The following DPP10 variants were observed in gnomAD, a reference collection of about 807,000 sequenced individuals.
The protein encoded by DPP10 is dipeptidyl peptidase like 10.
Under a neutral mutation model 120.9 loss-of-function variants are expected in DPP10, and 33 were observed. The observed-to-expected ratio is 0.27, with a 90% CI of 0.21 to 0.37. The LOEUF is 0.37. DPP10 is among the 10% of genes least tolerant of loss of function. The pLI is 1.00. For missense variants in DPP10, 816 were observed against 942.8 expected (o/e 0.87, Z 1.76); for synonymous variants, 337 against 326.1 (o/e 1.03, Z -0.36).
chr2:115,519,519 G>A (rs1273910616), intron 4 of DPP10, among the ~76,000 whole-genome samples: 4 of 152,070 alleles, frequency 2.6e-5, no homozygotes, highest in East Asian at 1.9e-4. Context: ...TAATTAGTCA[G>A]CTAAGAAAAG....
chr2:114,950,448 C>A (rs1409727276), intron 1 of DPP10, among the ~76,000 whole-genome samples: 1 of 150,360 alleles, frequency 6.7e-6, no homozygotes, highest in Non-Finnish European at 1.5e-5. Flanking sequence ...GTTCCCGCCA[C>A]CACGCCCCGG....
chr2:115,697,732 TC>T (rs2091669369), intron 7 of DPP10, among the ~76,000 whole-genome samples: 1 of 152,096 alleles, frequency 6.6e-6, no homozygotes, highest in Non-Finnish European at 1.5e-5. Flanking sequence ...ACGCCTGTAA[TC>T]CCAGCACTTT....
At chr2:114,605,301 G>A (rs192440667) in intron 1 of DPP10, among the ~76,000 whole-genome samples, 493 of 152,150 alleles carry the variant, frequency 3.2e-3, no homozygotes, top group Non-Finnish European at 4.8e-3. Context: ...CCACCTATAC[G>A]TGGATTTTCT....
chr2:114,944,954 T>C (rs1250659161), intron 1 of DPP10, among the ~76,000 whole-genome samples: 1 of 152,148 alleles, frequency 6.6e-6, no homozygotes, highest in Non-Finnish European at 1.5e-5. Context: ...AACTGCTCTT[T>C]GAAAAAGGAG....
At chr2:115,605,012 A>G (rs1375416791) in intron 5 of DPP10, among the ~76,000 whole-genome samples, 2 of 152,174 alleles carry the variant, frequency 1.3e-5, no homozygotes, top group Non-Finnish European at 2.9e-5. Flanking sequence ...AGAGAGTTTG[A>G]TAGAGGGTTT....
chr2:114,873,497 G>C (rs922504480), intron 1 of DPP10, among the ~76,000 whole-genome samples: 1 of 152,082 alleles, frequency 6.6e-6, no homozygotes, highest in South Asian at 2.1e-4. Context: ...AACTATTCAA[G>C]TCTTTGAATA....
intron 1 of DPP10, among the ~76,000 whole-genome samples, chr2:115,238,760 A>T (rs2058122908): frequency 6.6e-6 from 1 of 152,220 alleles, no homozygotes; most frequent in Non-Finnish European, 1.5e-5. Context: ...TTAGAATATT[A>T]TATAAAGTTG....
chr2:114,702,043 G>T (rs868302940), intron 1 of DPP10, among the ~76,000 whole-genome samples: 192 of 152,262 alleles, frequency 1.3e-3, no homozygotes, highest in African/African-American at 4.5e-3. Flanking sequence ...TGAAGAAGCT[G>T]GTCCTCTGAG....
At chr2:114,826,719 T>A (rs13401269) in intron 1 of DPP10, among the ~76,000 whole-genome samples, 6,010 of 152,134 alleles carry the variant, frequency 0.04, 361 homozygotes, top group African/African-American at 0.14. Context: ...TTAGTAGAGA[T>A]GGGGTTCACC....
intron 1 of DPP10, among the ~76,000 whole-genome samples, chr2:114,971,560 A>T (rs1385691894): frequency 6.6e-6 from 1 of 152,196 alleles, no homozygotes; most frequent in African/African-American, 2.4e-5. Flanking sequence ...ATGGGTGCCA[A>T]TCTTCATTAA....
chr2:115,203,756 C>T (rs1306481933), intron 1 of DPP10, among the ~76,000 whole-genome samples: 1 of 152,074 alleles, frequency 6.6e-6, no homozygotes, highest in Non-Finnish European at 1.5e-5. Flanking sequence ...CTCATTTTCC[C>T]TGTCCAAACA....
chr2:115,506,165 A>G (rs978273032), intron 4 of DPP10, among the ~76,000 whole-genome samples: 4 of 152,242 alleles, frequency 2.6e-5, no homozygotes, highest in Admixed American at 2.6e-4. Context: ...ATGATGTAGA[A>G]CTATGCGTTG....
intron 1 of DPP10, among the ~76,000 whole-genome samples, chr2:114,452,311 G>T (rs866034317): frequency 6.6e-6 from 1 of 152,092 alleles, no homozygotes; most frequent in African/African-American, 2.4e-5. Flanking sequence ...CCTATATGTT[G>T]TCTTTAATAA....
At chr2:115,305,104 G>A (rs2061308146) in intron 1 of DPP10, among the ~76,000 whole-genome samples, 1 of 152,136 alleles carries the variant, frequency 6.6e-6, no homozygotes, top group African/African-American at 2.4e-5. Flanking sequence ...TACAAAAGTA[G>A]CACCATCTAT....
chr2:115,153,651 C>T (rs919683071), intron 1 of DPP10, among the ~76,000 whole-genome samples: 3 of 152,150 alleles, frequency 2.0e-5, no homozygotes, highest in African/African-American at 7.2e-5. Flanking sequence ...AGCCTATCTT[C>T]CCAAAATAAC....
intron 1 of DPP10, among the ~76,000 whole-genome samples, chr2:115,099,767 G>T: frequency 6.6e-6 from 1 of 152,192 alleles, no homozygotes. Flanking sequence ...TTATTTCCAA[G>T]ATGGTGTCTC....
At chr2:115,083,148 T>C (rs1708412747) in intron 1 of DPP10, among the ~76,000 whole-genome samples, 1 of 152,218 alleles carries the variant, frequency 6.6e-6, no homozygotes, top group African/African-American at 2.4e-5. Flanking sequence ...TTATTTCTTC[T>C]TGTTTTCCTT....
intron 7 of DPP10, among the ~76,000 whole-genome samples, chr2:115,701,028 A>C (rs1339611557): frequency 6.6e-6 from 1 of 152,144 alleles, no homozygotes; most frequent in Admixed American, 6.5e-5. Flanking sequence ...CACAATCTAC[A>C]GATTCAATTC....
At chr2:114,877,586 G>A (rs549260039) in intron 1 of DPP10, among the ~76,000 whole-genome samples, 6 of 152,148 alleles carry the variant, frequency 3.9e-5, no homozygotes, top group South Asian at 2.1e-4. Flanking sequence ...AACAGTGAAC[G>A]GCGGACACAC....
Sources: gnomAD v4.1 joint callset for allele counts (sites outside exome capture counted in the v4.1 genomes callset) on GRCh38, gnomAD v4.1.1 for gene constraint, MANE v1.5 for transcripts, NCBI Gene and HGNC (gene_info 2026-07-23, HGNC 2026-07-21) for gene names.